SNX9: variants seen among roughly 807,000 people sequenced by gnomAD.
SNX9 encodes the protein sorting nexin 9, also known as sorting nexin-9.
In SNX9, 44 loss-of-function variants were observed where a neutral mutation model predicts 89.4. The ratio of observed to expected loss-of-function variants is 0.49; its 90% CI spans 0.39 to 0.63. The LOEUF is 0.63. Among genes scored for constraint, SNX9 ranks in the 30% least tolerant of loss-of-function variants. The probability of loss-of-function intolerance (pLI) is 0.00; values close to 1 mark genes in which losing one functional copy is unlikely to be tolerated. For missense variants in SNX9, 578 were observed against 736.1 expected (o/e 0.79, Z 2.49); for synonymous variants, 236 against 247.8 (o/e 0.95, Z 0.45).
intron 1 of SNX9, among the ~76,000 whole-genome samples, chr6:157,825,361 C>T (rs1307264638): frequency 6.6e-6 from 1 of 152,204 alleles, no homozygotes; most frequent in Non-Finnish European, 1.5e-5. Context: ...GGCATGTTAT[C>T]TGTACTGTCC....
At chr6:157,889,731 G>A (rs553410210) in intron 4 of SNX9, among the ~76,000 whole-genome samples, 8 of 152,298 alleles carry the variant, frequency 5.3e-5, no homozygotes, top group African/African-American at 1.9e-4. Flanking sequence ...ACCTGGCTGT[G>A]CAGCTATTTG....
chr6:157,831,002 G>A (rs1467675051), intron 1 of SNX9, among the ~76,000 whole-genome samples: 2 of 151,930 alleles, frequency 1.3e-5, no homozygotes, highest in Non-Finnish European at 2.9e-5. Flanking sequence ...TTTCAGTTTC[G>A]GTTATCTTCT....
intron 4 of SNX9, among the ~76,000 whole-genome samples, chr6:157,880,083 G>C (rs1562603253): frequency 6.6e-6 from 1 of 152,168 alleles, no homozygotes; most frequent in Non-Finnish European, 1.5e-5. Flanking sequence ...GCATCTCTCT[G>C]TTTTTCTGTT....
intron 2 of SNX9, among the ~76,000 whole-genome samples, chr6:157,871,652 A>C (rs545617313): frequency 6.6e-6 from 1 of 152,118 alleles, no homozygotes; most frequent in African/African-American, 2.4e-5. Context: ...CGTTGTGCAC[A>C]TGTACCCTAG....
chr6:157,909,521 C>CA, intron 7 of SNX9, 144 bp from the exon 8 acceptor site: 3 of 945,328 alleles, frequency 3.2e-6, no homozygotes, highest in Admixed American at 2.6e-5. Context: ...AACCATTGAA[C>CA]CATTTATGTA....
intron 1 of SNX9, among the ~76,000 whole-genome samples, chr6:157,849,643 G>A (rs1781869242): frequency 6.6e-6 from 1 of 152,184 alleles, no homozygotes; most frequent in Admixed American, 6.5e-5. Flanking sequence ...GTAGATTGTA[G>A]CAGTATTTAG....
intron 1 of SNX9, among the ~76,000 whole-genome samples, chr6:157,843,872 CTTTTTTTT>C (rs1006138414): frequency 8.3e-6 from 1 of 120,722 alleles, no homozygotes; most frequent in Non-Finnish European, 1.7e-5. Context: ...TCCCATTTGT[CTTTTTTTT>C]TTTTTTTTTT....
At chr6:157,924,130 A>G (rs1377981205) in intron 10 of SNX9, among the ~76,000 whole-genome samples, 3 of 152,060 alleles carry the variant, frequency 2.0e-5, no homozygotes, top group African/African-American at 7.2e-5. Context: ...CCCGGGGGTA[A>G]AGGTTGCAGT....
intron 1 of SNX9, among the ~76,000 whole-genome samples, chr6:157,844,584 CTTG>C (rs368336268): frequency 5.8e-5 from 8 of 138,558 alleles, no homozygotes; most frequent in East Asian, 2.1e-4. Context: ...GTGGCTAATC[CTTG>C]TTTTTTTTTT....
intron 4 of SNX9, among the ~76,000 whole-genome samples, chr6:157,895,652 A>C (rs890000130): frequency 6.6e-6 from 1 of 152,340 alleles, no homozygotes; most frequent in Admixed American, 6.5e-5. Flanking sequence ...GAGCAAAAAT[A>C]ATACAATTTA....
chr6:157,836,910 A>C (rs1020758497), intron 1 of SNX9, among the ~76,000 whole-genome samples: 2 of 152,174 alleles, frequency 1.3e-5, no homozygotes, highest in Non-Finnish European at 2.9e-5. Context: ...CATTTCTACC[A>C]GTTCCCAGGT....
rs1197173345 is a variant in SNX9 at position 157,823,269 on chromosome 6, C to T, written c.-166C>T. On this transcript the variant is annotated 5_prime_UTR_variant, in exon 1 of 18. Transcript: ENST00000392185. The surrounding 1 kb of genome is among the most constrained non-coding windows in gnomAD (Gnocchi z 4.6). ...GCGGGAGTAGCCGAGCGCCCAGCGG[C>T]TGGGCCTGAGCGTCGAGACTCGGGG... 5.0e-6 allele frequency: 2 copies of T among 397,798 alleles called. No homozygotes were observed. Among genetic ancestry groups the T allele is most frequent in the East Asian group, 6.5e-5 (1 of 15,362 alleles). The allele number at this position is 397,798 out of a possible 1,614,324, so 24.6% of individuals were successfully genotyped here.
chr6:157,854,924 A>G (rs1562595079), intron 1 of SNX9, among the ~76,000 whole-genome samples: 1 of 150,240 alleles, frequency 6.7e-6, no homozygotes, highest in East Asian at 1.9e-4. Context: ...TAAATTTTTA[A>G]TTTTTTTGAC....
rs1386465304 is a variant in SNX9 at position 157,823,948 on chromosome 6, G to A, written c.12+502G>A. Among the ~76,000 whole-genome samples, 6 of 152,144 alleles carry A rather than the reference G, an allele frequency of 3.9e-5. No individual in the cohort carries two copies. The highest frequency in any genetic ancestry group is 9.6e-5 in the African/African-American group (4 of 41,454). On this transcript the variant is annotated intron_variant, in intron 1 of 17. Transcript: ENST00000392185. This position sits in a 1 kb window ranked among gnomAD's most constrained non-coding sequence, Gnocchi z 4.6. ...CGGCGCTTCCCGTCCCGGCCTGCGG[G>A]GGCTCGCGGCCGGGGAGGGACCGAG...
intron 3 of SNX9, chr6:157,874,212 T>A (rs935470335): frequency 2.0e-5 from 3 of 152,296 alleles, no homozygotes; most frequent in Admixed American, 6.5e-5. Flanking sequence ...ATGCAATCTC[T>A]AGGCTTTCCC....
At chr6:157,926,387 TA>T (rs1403912907) in intron 10 of SNX9, among the ~76,000 whole-genome samples, 1 of 152,104 alleles carries the variant, frequency 6.6e-6, no homozygotes, top group African/African-American at 2.4e-5. Context: ...TTAATATTTT[TA>T]AAAAAATAGC....
chr6:157,882,365 G>C (rs1366122180), intron 4 of SNX9, among the ~76,000 whole-genome samples: 1 of 152,210 alleles, frequency 6.6e-6, no homozygotes, highest in East Asian at 1.9e-4. Flanking sequence ...CGCTGATGGA[G>C]ATGTACATGA....
chr6:157,940,785 G>C, intron 16 of SNX9, 98 bp from the exon 17 acceptor site: 1 of 1,046,594 alleles, frequency 9.6e-7, no homozygotes, highest in Non-Finnish European at 1.5e-6. Context: ...AACCAGATTA[G>C]GTCAGGTTGA....
chr6:157,837,038 G>A lies in SNX9; in HGVS notation c.12+13592G>A, dbSNP rs569077898. On this transcript the variant is annotated intron_variant, in intron 1 of 17. Transcript: ENST00000392185. ...GTTGGTCCCTAAGATCTGTGAGGCC[G>A]TAAATTGGGTGGCTGCACTAGCATG... is the stretch of plus-strand genomic sequence containing the variant. 5.3e-5 allele frequency among the ~76,000 whole-genome samples: 8 copies of A among 152,308 alleles called. No individual in the cohort carries two copies. The South Asian group carries it at 6.2e-4, about 12-fold the overall frequency.
Sources: gnomAD v4.1 joint callset for allele counts (sites outside exome capture counted in the v4.1 genomes callset) on GRCh38, gnomAD v4.1.1 for gene constraint, Gnocchi (gnomAD v3.1) non-coding constraint, MANE v1.5 for transcripts, NCBI Gene and HGNC (gene_info 2026-07-23, HGNC 2026-07-21) for gene names.